CDKAL1: variants seen among roughly 807,000 people sequenced by gnomAD.
CDKAL1 encodes CDKAL1 threonylcarbamoyladenosine tRNA methylthiotransferase.
Under a neutral mutation model 68.2 loss-of-function variants are expected in CDKAL1, and 32 were observed. The ratio of observed to expected loss-of-function variants is 0.47; its 90% CI spans 0.35 to 0.63. The LOEUF (loss-of-function observed/expected upper bound fraction) is 0.63. Among genes scored for constraint, CDKAL1 ranks in the 30% least tolerant of loss-of-function variants. The probability of loss-of-function intolerance (pLI) is 0.00; values close to 1 mark genes in which losing one functional copy is unlikely to be tolerated. For missense variants in CDKAL1, 606 were observed against 696.7 expected (o/e 0.87, Z 1.47); for synonymous variants, 234 against 244.3 (o/e 0.96, Z 0.39).
rs562290927 is a variant in CDKAL1, at chr6:20,960,722, T to C, written c.909+5137T>C. On this transcript the variant is annotated intron_variant, in intron 10 of 15. Coordinates refer to ENST00000274695, the MANE Select transcript of CDKAL1 (RefSeq NM_017774.3). ...TGTACTGAAGTACCTTCATATCTGC[T>C]GAGCATCCAGTTTTGGAAGAGTTTG... is the stretch of plus-strand genomic sequence containing the variant. Among the ~76,000 whole-genome samples, 91 of 152,380 alleles carry C rather than the reference T, an allele frequency of 6.0e-4. No individual in the cohort carries two copies. The South Asian group carries it at 0.018, about 30-fold the overall frequency.
intron 7 of CDKAL1, among the ~76,000 whole-genome samples, chr6:20,764,368 C>T (rs4710946): frequency 0.56 from 85,174 of 151,900 alleles, 24,281 homozygotes; most frequent in East Asian, 0.8. Context: ...CCTCAAGTGG[C>T]GGTAATTTAG....
At chr6:20,832,603 C>T (rs974810914) in intron 8 of CDKAL1, among the ~76,000 whole-genome samples, 4 of 152,072 alleles carry the variant, frequency 2.6e-5, no homozygotes, top group South Asian at 2.1e-4. Context: ...GAGCACTGAG[C>T]TGTGATCACG....
At chr6:21,226,198 A>C (rs1425911662) in intron 15 of CDKAL1, among the ~76,000 whole-genome samples, 1 of 152,198 alleles carries the variant, frequency 6.6e-6, no homozygotes, top group Non-Finnish European at 1.5e-5. Context: ...CGAAGGAAAT[A>C]GAGATAGACT....
chr6:21,122,709 T>A (rs1393532840), intron 13 of CDKAL1, among the ~76,000 whole-genome samples: 3 of 151,682 alleles, frequency 2.0e-5, no homozygotes, highest in Non-Finnish European at 4.4e-5. Context: ...ATGATATAGC[T>A]CACTGCAGCC....
intron 8 of CDKAL1, among the ~76,000 whole-genome samples, chr6:20,793,105 T>C (rs1027728735): frequency 6.6e-6 from 1 of 152,198 alleles, no homozygotes; most frequent in Non-Finnish European, 1.5e-5. Context: ...CATCACATAT[T>C]GTTCTCACTC....
chr6:20,790,358 G>T (rs1775846777), intron 8 of CDKAL1, among the ~76,000 whole-genome samples: 1 of 151,958 alleles, frequency 6.6e-6, no homozygotes, highest in Non-Finnish European at 1.5e-5. Flanking sequence ...TGGGGTGGGG[G>T]GAACCAAAAC....
intron 11 of CDKAL1, among the ~76,000 whole-genome samples, chr6:21,014,644 G>A (rs1173762379): frequency 6.6e-6 from 1 of 151,626 alleles, no homozygotes. Flanking sequence ...CATGTTGTAG[G>A]GTAATAACTT....
At chr6:21,160,636 G>GACACACAC (rs70993208) in intron 13 of CDKAL1, among the ~76,000 whole-genome samples, 34 of 123,322 alleles carry the variant, frequency 2.8e-4, no homozygotes, top group African/African-American at 9.3e-4. Context: ...TTTGGACACA[G>GACACACAC]ACACACACAC....
chr6:20,759,128 C>T (rs964868977), intron 7 of CDKAL1, among the ~76,000 whole-genome samples: 1 of 152,106 alleles, frequency 6.6e-6, no homozygotes, highest in African/African-American at 2.4e-5. Context: ...AACACAGTGA[C>T]ACCCTGTCTT....
chr6:20,731,735 C>T (rs532353152), intron 5 of CDKAL1, among the ~76,000 whole-genome samples: 3 of 152,216 alleles, frequency 2.0e-5, no homozygotes, highest in African/African-American at 4.8e-5. Flanking sequence ...CATAAATAGG[C>T]GTTGACAGTA....
intron 10 of CDKAL1, among the ~76,000 whole-genome samples, chr6:20,985,090 CT>C (rs1245662174): frequency 1.3e-5 from 2 of 151,922 alleles, no homozygotes; most frequent in African/African-American, 2.4e-5. Flanking sequence ...TTTTCAAATA[CT>C]TTTTTTTAGG....
chr6:20,878,972 G>A (rs577813467), intron 9 of CDKAL1, among the ~76,000 whole-genome samples: 68 of 149,904 alleles, frequency 4.5e-4, no homozygotes, highest in Non-Finnish European at 7.9e-4. Context: ...CCAGCTACTC[G>A]GGAGGCTGAG....
intron 13 of CDKAL1, among the ~76,000 whole-genome samples, chr6:21,168,256 G>A (rs770412804): frequency 6.6e-6 from 1 of 152,178 alleles, no homozygotes. Flanking sequence ...TCCTCCTCCT[G>A]AGAACCAGAT....
intron 13 of CDKAL1, among the ~76,000 whole-genome samples, chr6:21,109,990 C>T (rs1243598411): frequency 6.6e-6 from 1 of 152,166 alleles, no homozygotes; most frequent in African/African-American, 2.4e-5. Flanking sequence ...TCCTCATATC[C>T]TTTGTGGCAT....
intron 13 of CDKAL1, among the ~76,000 whole-genome samples, chr6:21,174,446 G>C (rs1777504336): frequency 6.6e-6 from 1 of 152,132 alleles, no homozygotes; most frequent in Non-Finnish European, 1.5e-5. Flanking sequence ...AGGAAAAATA[G>C]TCTCAATAAT....
chr6:20,847,185 C>T (rs531843509), intron 9 of CDKAL1, among the ~76,000 whole-genome samples: 1 of 152,246 alleles, frequency 6.6e-6, no homozygotes, highest in South Asian at 2.1e-4. Flanking sequence ...AGCTCAGTCC[C>T]CTCCTCCTTT....
chr6:20,976,316 G>C (rs577276099), intron 10 of CDKAL1, among the ~76,000 whole-genome samples: 46 of 152,062 alleles, frequency 3.0e-4, no homozygotes, highest in Non-Finnish European at 4.4e-4. Context: ...TGTATTCTTT[G>C]TTAAGTGAAG....
chr6:20,626,358 G>T (rs1767432395), intron 4 of CDKAL1, among the ~76,000 whole-genome samples: 1 of 152,060 alleles, frequency 6.6e-6, no homozygotes, highest in Non-Finnish European at 1.5e-5. Flanking sequence ...TGTTTTCCCA[G>T]CACATAGTAG....
At chr6:20,568,382 G>A (rs962672226) in intron 4 of CDKAL1, among the ~76,000 whole-genome samples, 23 of 152,036 alleles carry the variant, frequency 1.5e-4, no homozygotes, top group Non-Finnish European at 2.1e-4. Context: ...AAGTGTGGGG[G>A]ACAGGTCATC....
Sources: allele counts gnomAD v4.1 joint callset (sites outside exome capture counted in the v4.1 genomes callset), GRCh38; gene constraint gnomAD v4.1.1; transcripts MANE v1.5; gene names NCBI Gene and HGNC (gene_info 2026-07-23, HGNC 2026-07-21).